ACTA1: variants seen among roughly 807,000 people sequenced by gnomAD.
ACTA1 encodes the protein actin, alpha skeletal muscle.
A neutral mutation model predicts 35.8 loss-of-function variants in ACTA1; 25 were observed. That is an observed-to-expected ratio of 0.70 (90% confidence interval 0.51 to 0.97). The LOEUF is 0.97. Ranked by LOEUF, ACTA1 falls within the 50% of genes least tolerant of loss-of-function variation. The pLI, the probability that ACTA1 is intolerant of heterozygous loss-of-function variation, is 0.00. For missense variants in ACTA1, 174 were observed against 533.0 expected (o/e 0.33, Z 6.63); for synonymous variants, 219 against 217.1 (o/e 1.01, Z -0.08).
chr1:229,431,446 C>T lies in ACTA1; in HGVS notation c.*53G>A, dbSNP rs937227519. ...GGGTGGCTGGAGCTCAGCCGCCCCC[C>T]CATTGAGAAGATTCGTCGTCCTGAG... is the stretch of plus-strand genomic sequence containing the variant. On this transcript the variant is annotated 3_prime_UTR_variant, in exon 7 of 7. Coordinates refer to ENST00000366684, the MANE Select transcript of ACTA1 (RefSeq NM_001100.4). This position sits in a 1 kb window ranked among gnomAD's most constrained non-coding sequence, Gnocchi z 7.1. 1.2e-5 allele frequency: 20 copies of T among 1,611,772 alleles called. No individual in the cohort carries two copies. The highest frequency in any genetic ancestry group is 1.6e-5 in the Non-Finnish European group (19 of 1,179,674).
rs566482294 is a variant in ACTA1, at chr1:229,433,097, T to G, written c.19A>C (p.Thr7Pro). ...CCATTGTCGCACACGAGGGCGGTGGTCTCGTCTTCGTCGCACATTGTGTCT... is the reference window on the plus strand; with the variant it reads ...CCATTGTCGCACACGAGGGCGGTGGGCTCGTCTTCGTCGCACATTGTGTCT... MCDEDE[T>P]TALVCDNGSG... Residue 7 changes from threonine (T) to proline (P), a missense_variant, in exon 2 of 7, where the codon ACC becomes CCC. By Grantham distance (38) the Thr-to-Pro change is conservative. Transcript: ENST00000366684. 1 of 1,614,112 alleles carries G rather than the reference T, an allele frequency of 6.2e-7. No homozygotes were observed.
intron 1 of ACTA1, among the ~76,000 whole-genome samples, 193 bp from the exon 2 acceptor site, chr1:229,433,320 G>C (rs1170061816): frequency 6.6e-6 from 1 of 152,208 alleles, no homozygotes; most frequent in Non-Finnish European, 1.5e-5. Flanking sequence ...CCGGCTAAGG[G>C]CTGCCCTGAA....
Position 229,431,793 on chromosome 1 carries a change from C to G in ACTA1, c.918G>C (p.Thr306=), listed in dbSNP as rs1571892590. The G allele has an allele frequency of 6.2e-7, 1 of 1,614,172 alleles. No homozygotes were observed. The highest frequency in any genetic ancestry group is 8.5e-7 in the Non-Finnish European group (1 of 1,180,016). The change falls in exon 6 of 7, where the codon ACG becomes ACC. Residue 306 remains threonine (T), a synonymous_variant. Transcript: ENST00000366684. This position sits in a 1 kb window ranked among gnomAD's most constrained non-coding sequence, Gnocchi z 7.1. ...TGCGGTCAGCGATCCCAGGGTACAT[C>G]GTGGTGCCCCCCGACATGACGTTGT... ...YANNVMSGGT[T]MYPGIADRMQ...
rs577738350 is a variant in ACTA1 at position 229,433,190 on chromosome 1, G to C, written c.-12-63C>G. ...TCAGCGCAGAAGTCTCAGCGGCAGG[G>C]GGGGGTAAGCCTGGCTGGCCCCGAC... On this transcript the variant is annotated intron_variant, in intron 1 of 6. Transcript: ENST00000366684. The C allele has an allele frequency of 7.5e-5, 121 of 1,609,242 alleles. 2 individuals carry two copies. In the Middle Eastern group the frequency reaches 9.0e-4, roughly 12 times the overall value.
At chr1:229,433,684 C>A (rs565064041) in intron 1 of ACTA1, among the ~76,000 whole-genome samples, 1 of 152,234 alleles carries the variant, frequency 6.6e-6, no homozygotes, top group South Asian at 2.1e-4. Flanking sequence ...CCTGGCTGCT[C>A]GCTCATTCGC....
In ACTA1 at chr1:229,434,081, C is replaced by T. The variant is rs1364905154; in HGVS notation, c.-90G>A. Reference sequence around the variant, plus strand: ...AGGGGAAGCGAGGCTTCACTTGGCGCTGTCCGCTGCGGTGGCCGCTTGTCC... The same window carrying T: ...AGGGGAAGCGAGGCTTCACTTGGCGTTGTCCGCTGCGGTGGCCGCTTGTCC... On this transcript the variant is annotated 5_prime_UTR_variant, in exon 1 of 7. Transcript: ENST00000366684. 1 of 152,404 alleles carries T rather than the reference C, an allele frequency of 6.6e-6. No homozygotes were observed. Among genetic ancestry groups the T allele is most frequent in the Non-Finnish European group, 1.5e-5 (1 of 68,158 alleles). 9.4% of individuals were successfully genotyped at this position (152,404 alleles called of 1,614,324 possible).
At chr1:229,433,633 GA>G (rs1660000726) in intron 1 of ACTA1, among the ~76,000 whole-genome samples, 1 of 152,228 alleles carries the variant, frequency 6.6e-6, no homozygotes. Flanking sequence ...TTCAAACTCA[GA>G]AAGGGCCTTT....
In ACTA1 at chr1:229,431,978, G is replaced by C; in HGVS notation, c.808+16C>G. ...GGCGGGGCCTGGGGGCCGGGGCGAG[G>C]GCGAGCGGGGCTCACCGATGAAGGA... On this transcript the variant is annotated intron_variant, in intron 5 of 6. Coordinates refer to ENST00000366684, the MANE Select transcript of ACTA1 (RefSeq NM_001100.4). The surrounding 1 kb of genome is among the most constrained non-coding windows in gnomAD (Gnocchi z 7.1). The C allele has an allele frequency of 6.2e-7, 1 of 1,603,436 alleles. No homozygotes were observed. Among genetic ancestry groups the C allele is most frequent in the Non-Finnish European group, 8.5e-7 (1 of 1,175,172 alleles).
Position 229,431,484 on chromosome 1 carries a change from G to A in ACTA1, c.*15C>T. The A allele has an allele frequency of 5.6e-6, 9 of 1,612,780 alleles. No individual in the cohort carries two copies. The highest frequency in any genetic ancestry group is 6.8e-6 in the Non-Finnish European group (8 of 1,180,042). On this transcript the variant is annotated 3_prime_UTR_variant, in exon 7 of 7. Transcript: ENST00000366684. This position sits in a 1 kb window ranked among gnomAD's most constrained non-coding sequence, Gnocchi z 7.1. Reference sequence around the variant, plus strand: ...TCGTCGTCCTGAGAAGTCGCGTGCTGGAGGTGGAGTGTGTCTAGAAGCATT... The same window carrying A: ...TCGTCGTCCTGAGAAGTCGCGTGCTAGAGGTGGAGTGTGTCTAGAAGCATT...
chr1:229,433,422 TC>T (rs1659996967), intron 1 of ACTA1, among the ~76,000 whole-genome samples: 1 of 152,146 alleles, frequency 6.6e-6, no homozygotes. Flanking sequence ...CTGTCTGCCC[TC>T]CCTGCCTGAC....
chr1:229,433,188 G>T (rs6667660), intron 1 of ACTA1, 61 bp from the exon 2 acceptor site: 14 of 1,003,110 alleles, frequency 1.4e-5, no homozygotes, highest in East Asian at 3.3e-5. Flanking sequence ...CTCAGCGGCA[G>T]GGGGGGGTAA....
intron 1 of ACTA1, among the ~76,000 whole-genome samples, chr1:229,433,461 C>A (rs1183976516): frequency 6.6e-6 from 1 of 152,208 alleles, no homozygotes; most frequent in Non-Finnish European, 1.5e-5. Flanking sequence ...GACGCTAGTG[C>A]CCATCCTCTC....
Position 229,432,877 on chromosome 1 carries a change from CG to C in ACTA1, c.132del (p.Val45SerfsTer23). 6.2e-7 allele frequency: 1 copy of C among 1,614,192 alleles called. No homozygotes were observed. Among genetic ancestry groups the C allele is most frequent in the Non-Finnish European group, 8.5e-7 (1 of 1,180,022 alleles). On this transcript the variant is annotated frameshift_variant and splice_region_variant, in exon 3 of 7. Coordinates refer to ENST00000366684, the MANE Select transcript of ACTA1 (RefSeq NM_001100.4). LOFTEE classifies it high-confidence loss of function. ...PSIVGRPRHQ[G>X]VMVGMGQKDS... Reference sequence around the variant, plus strand: ...TCTTTCTGACCCATACCGACCATGACGCCCTGCAGAGCCGAGACACCACGCA... The same window carrying C: ...TCTTTCTGACCCATACCGACCATGACCCCTGCAGAGCCGAGACACCACGCA...
At chr1:229,433,477 C>T (rs1659997950) in intron 1 of ACTA1, among the ~76,000 whole-genome samples, 1 of 152,230 alleles carries the variant, frequency 6.6e-6, no homozygotes, top group African/African-American at 2.4e-5. Flanking sequence ...CTCTCTGCGC[C>T]TCCCTGACCA....
In ACTA1 at chr1:229,432,258, G is replaced by T; in HGVS notation, c.616+12C>A. On this transcript the variant is annotated intron_variant, in intron 4 of 6. Transcript: ENST00000366684. ...CCGGCCCTCCCGCCCGGGGTGCAGG[G>T]GCGCCGCGCACCTGTGGTCACGAAG... 1 of 1,613,516 alleles carries T rather than the reference G, an allele frequency of 6.2e-7. No homozygotes were observed. Among genetic ancestry groups the T allele is most frequent in the African/African-American group, 1.3e-5 (1 of 75,040 alleles).
In ACTA1 at chr1:229,432,446, G is replaced by A. The variant is rs1336217136; in HGVS notation, c.455-15C>T. The stretch of plus-strand genomic sequence containing the variant: ...CAGCACGATGCCTGTGCGCGCGCGG[G>A]AGAGAGTGAGTGGCTGGGGGCGAGG... On this transcript the variant is annotated splice_polypyrimidine_tract_variant and intron_variant, in intron 3 of 6. Coordinates refer to ENST00000366684, the MANE Select transcript of ACTA1 (RefSeq NM_001100.4). 6.2e-7 allele frequency: 1 copy of A among 1,606,060 alleles called. No homozygotes were observed. Among genetic ancestry groups the A allele is most frequent in the East Asian group, 2.2e-5 (1 of 44,646 alleles).
Position 229,431,763 on chromosome 1 carries a change from C to A in ACTA1, c.948G>T (p.Gln316His). The A allele has an allele frequency of 6.2e-7, 1 of 1,614,220 alleles. No individual in the cohort carries two copies. Among genetic ancestry groups the A allele is most frequent in the Non-Finnish European group, 8.5e-7 (1 of 1,180,024 alleles). The change falls in exon 6 of 7, where the codon CAG becomes CAT. Residue 316 changes from glutamine (Q) to histidine (H), a missense_variant. By Grantham distance (24) the Gln-to-His change is conservative. Transcript: ENST00000366684. This position sits in a 1 kb window ranked among gnomAD's most constrained non-coding sequence, Gnocchi z 7.1. ...TMYPGIADRMQKEITALAPST... is the reference protein window; with the variant it reads ...TMYPGIADRMHKEITALAPST... Reference sequence around the variant, plus strand: ...TGGGTGCCAGCGCGGTGATCTCTTTCTGCATGCGGTCAGCGATCCCAGGGT... The same window carrying A: ...TGGGTGCCAGCGCGGTGATCTCTTTATGCATGCGGTCAGCGATCCCAGGGT...
In ACTA1 at chr1:229,431,671, C is replaced by A. The variant is rs375095091; in HGVS notation, c.991-29G>T. ...CAAGACAGCGCGTGAGGTGGGGAGA[C>A]CTCACCCTGGAGCCCACCCCGCCGA... On this transcript the variant is annotated intron_variant, in intron 6 of 6. Coordinates refer to ENST00000366684, the MANE Select transcript of ACTA1 (RefSeq NM_001100.4). The surrounding 1 kb of genome is among the most constrained non-coding windows in gnomAD (Gnocchi z 7.1). 9.9e-6 allele frequency: 16 copies of A among 1,613,772 alleles called. No individual in the cohort carries two copies. In the African/African-American group the frequency reaches 2.0e-4, roughly 20 times the overall value.
intron 1 of ACTA1, 123 bp from the exon 2 acceptor site, chr1:229,433,250 G>A (rs1571894398): frequency 5.0e-6 from 7 of 1,389,182 alleles, no homozygotes; most frequent in Non-Finnish European, 7.0e-6. Context: ...GACATCTCCT[G>A]CCGGAGCCAC....
Sources: allele counts gnomAD v4.1 joint callset (sites outside exome capture counted in the v4.1 genomes callset), GRCh38; gene constraint gnomAD v4.1.1; non-coding constraint Gnocchi (gnomAD v3.1); transcripts MANE v1.5; gene names NCBI Gene and HGNC (gene_info 2026-07-23, HGNC 2026-07-21).